Variants in PTAFR observed in about 807,000 individuals in gnomAD.
PTAFR encodes the protein platelet activating factor receptor, also known as platelet-activating factor receptor.
A neutral mutation model predicts 14.7 loss-of-function variants in PTAFR; 8 were observed. The ratio of observed to expected loss-of-function variants is 0.54; its 90% CI spans 0.32 to 0.98. PTAFR has a LOEUF of 0.98. Ranked by LOEUF, PTAFR falls within the 50% of genes least tolerant of loss-of-function variation. The pLI is 0.04. For missense variants in PTAFR, 337 were observed against 451.2 expected (o/e 0.75, Z 2.29); for synonymous variants, 156 against 176.5 (o/e 0.88, Z 0.92).
rs1646133535 is a variant in PTAFR at position 28,147,822 on chromosome 1, A to G, written c.*2171T>C. 1 of 152,086 alleles carries G rather than the reference A, an allele frequency of 6.6e-6. No homozygotes were observed. Among genetic ancestry groups the G allele is most frequent in the African/African-American group, 2.4e-5 (1 of 41,400 alleles). 9.4% of individuals were successfully genotyped at this position (152,086 alleles called of 1,614,324 possible). ...TATAACAATCCCATGAGGTAGCTTTAACCTCATAGGTAATGACCCTAAGAG... is the reference window on the plus strand; with the variant it reads ...TATAACAATCCCATGAGGTAGCTTTGACCTCATAGGTAATGACCCTAAGAG... On this transcript the variant is annotated 3_prime_UTR_variant, in exon 2 of 2. Coordinates refer to ENST00000373857, the MANE Select transcript of PTAFR (RefSeq NM_000952.5).
intron 1 of PTAFR, among the ~76,000 whole-genome samples, chr1:28,152,116 C>T (rs572171170): frequency 6.1e-4 from 93 of 152,098 alleles, no homozygotes; most frequent in African/African-American, 1.7e-3. Context: ...ATGCTGTTCT[C>T]GAACTCCTGA....
chr1:28,150,376 G>T lies in PTAFR; in HGVS notation c.646C>A (p.Gln216Lys), dbSNP rs1203781639. 2.5e-6 allele frequency: 4 copies of T among 1,613,892 alleles called. No individual in the cohort carries two copies. The highest frequency in any genetic ancestry group is 2.7e-5 in the African/African-American group (2 of 74,948). ...NLVIIRTLLM[Q>K]PVQQQRNAEV... Reference sequence around the variant, plus strand: ...GCGTTGCGCTGCTGCTGCACCGGCTGCATGAGCAAGGTACGGATGATGACC... The same window carrying T: ...GCGTTGCGCTGCTGCTGCACCGGCTTCATGAGCAAGGTACGGATGATGACC... The change falls in exon 2 of 2, where the codon CAG becomes AAG. Residue 216 changes from glutamine (Q) to lysine (K), a missense_variant. Gln to Lys is a moderately conservative substitution (Grantham distance 53, BLOSUM62 1). Coordinates refer to ENST00000373857, the MANE Select transcript of PTAFR (RefSeq NM_000952.5). The surrounding 1 kb of genome is among the most constrained non-coding windows in gnomAD (Gnocchi z 6.3).
intron 1 of PTAFR, among the ~76,000 whole-genome samples, chr1:28,161,617 G>C (rs1262464265): frequency 1.3e-5 from 2 of 152,098 alleles, no homozygotes; most frequent in Non-Finnish European, 2.9e-5. Context: ...AAAGTGCTAG[G>C]ATTACAGGCA....
intron 1 of PTAFR, among the ~76,000 whole-genome samples, chr1:28,165,427 GA>G (rs1170342262): frequency 6.8e-4 from 78 of 114,248 alleles, no homozygotes; most frequent in South Asian, 8.4e-4. Context: ...AAAAAAAAAG[GA>G]AAAAAAAAAA....
At chr1:28,165,434 A>G (rs1273397120) in intron 1 of PTAFR, among the ~76,000 whole-genome samples, 1 of 150,780 alleles carries the variant, frequency 6.6e-6, no homozygotes, top group Non-Finnish European at 1.5e-5. Flanking sequence ...AAGGAAAAAA[A>G]AAAAAGAAAC....
intron 1 of PTAFR, among the ~76,000 whole-genome samples, chr1:28,190,527 A>G (rs2149009831): frequency 6.6e-6 from 1 of 152,298 alleles, no homozygotes; most frequent in South Asian, 2.1e-4. Context: ...AGATTGGCAA[A>G]GAGAATCTGG....
Position 28,150,197 on chromosome 1 carries a change from A to C in PTAFR, c.825T>G (p.His275Gln), listed in dbSNP as rs774949843. Residue 275 changes from histidine to glutamine, a missense_variant, in exon 2 of 2, where the codon CAT becomes CAG. His to Gln is a conservative substitution (Grantham distance 24). Coordinates refer to ENST00000373857, the MANE Select transcript of PTAFR (RefSeq NM_000952.5). This position sits in a 1 kb window ranked among gnomAD's most constrained non-coding sequence, Gnocchi z 6.3. ...SKFHQAINDA[H>Q]QVTLCLLSTN... The stretch of plus-strand genomic sequence containing the variant: ...TGCTAAGGAGGCAGAGGGTGACCTG[A>C]TGTGCATCATTAATGGCCTGGTGGA... 6.2e-7 allele frequency: 1 copy of C among 1,614,110 alleles called. No individual in the cohort carries two copies. The highest frequency in any genetic ancestry group is 1.1e-5 in the South Asian group (1 of 91,072).
At chr1:28,182,343 A>AAG (rs992770740) in intron 1 of PTAFR, among the ~76,000 whole-genome samples, 1 of 151,270 alleles carries the variant, frequency 6.6e-6, no homozygotes, top group Non-Finnish European at 1.5e-5. Context: ...CAAAAAAAGA[A>AAG]AGAGAGAGAG....
At chr1:28,165,675 C>T (rs1247663593) in intron 1 of PTAFR, among the ~76,000 whole-genome samples, 4 of 151,374 alleles carry the variant, frequency 2.6e-5, no homozygotes, top group African/African-American at 9.7e-5. Flanking sequence ...CCCAGCTACT[C>T]GGGAGGCTGA....
upstream of PTAFR, among the ~76,000 whole-genome samples, chr1:28,179,652 C>T (rs1485128507): frequency 6.6e-6 from 1 of 151,798 alleles, no homozygotes; most frequent in Non-Finnish European, 1.5e-5. Context: ...CCTGTCTCTA[C>T]TAAAAATAAT....
At chr1:28,180,943 A>G (rs564163616), upstream of PTAFR, among the ~76,000 whole-genome samples, 13 of 152,094 alleles carry the variant, frequency 8.5e-5, no homozygotes, top group Non-Finnish European at 1.9e-4. Flanking sequence ...ATGTGGCAAA[A>G]TATTTATTTT....
intron 1 of PTAFR, among the ~76,000 whole-genome samples, chr1:28,158,777 T>C (rs1457233644): frequency 2.0e-5 from 3 of 151,754 alleles, no homozygotes; most frequent in Non-Finnish European, 2.9e-5. Flanking sequence ...CTGCAGACAA[T>C]GGGAGTTATT....
chr1:28,188,291 C>T (rs1375088660), intron 1 of PTAFR, among the ~76,000 whole-genome samples: 1 of 152,120 alleles, frequency 6.6e-6, no homozygotes, highest in African/African-American at 2.4e-5. Flanking sequence ...ACTAAAAATA[C>T]AAAAACTAGC....
In PTAFR at chr1:28,149,208, G is replaced by A. The variant is rs552935230; in HGVS notation, c.*785C>T. ...CACAAAGACCTTGTGCCGGAGGGTG[G>A]AGAGAGGATGGCAACATCTTAGCTC... On this transcript the variant is annotated 3_prime_UTR_variant, in exon 2 of 2. Transcript: ENST00000373857. 6.6e-6 allele frequency: 1 copy of A among 152,198 alleles called. No homozygotes were observed. Among genetic ancestry groups the A allele is most frequent in the Non-Finnish European group, 1.5e-5 (1 of 68,088 alleles). The allele number at this position is 152,198 out of a possible 1,614,324, so 9.4% of individuals were successfully genotyped here. A position where few individuals can be genotyped will look rare whatever the true frequency, so the allele number is the denominator to read the frequency against.
intron 1 of PTAFR, among the ~76,000 whole-genome samples, chr1:28,153,581 C>CAAAAAAAA (rs36049566): frequency 1.6e-5 from 1 of 62,658 alleles, no homozygotes. Context: ...CCTGTCTCTA[C>CAAAAAAAA]AAAAAAAAAA....
At chr1:28,151,266 G>A (rs1452978871) in intron 1 of PTAFR, among the ~76,000 whole-genome samples, 2 of 151,158 alleles carry the variant, frequency 1.3e-5, no homozygotes, top group African/African-American at 2.4e-5. Flanking sequence ...CGCAACCTCC[G>A]CCTCCCGGGT....
chr1:28,160,236 TAA>T (rs879385380), intron 1 of PTAFR, among the ~76,000 whole-genome samples: 36 of 126,246 alleles, frequency 2.9e-4, no homozygotes, highest in African/African-American at 9.7e-4. Context: ...AAAAAAGAAT[TAA>T]AAAAAAAAAA....
intron 1 of PTAFR, among the ~76,000 whole-genome samples, chr1:28,157,420 G>A (rs1646276721): frequency 6.6e-6 from 1 of 152,076 alleles, no homozygotes; most frequent in South Asian, 2.1e-4. Context: ...GCCCGCCTCG[G>A]CCTCCTAAAG....
At position 28,150,233 on chromosome 1, in the gene PTAFR, C is replaced by A; in HGVS notation, c.789G>T (p.Gln263His). The A allele has an allele frequency of 6.2e-7, 1 of 1,613,494 alleles. No individual in the cohort carries two copies. The change falls in exon 2 of 2, where the codon CAG (glutamine) becomes CAT (histidine). Residue 263 changes from glutamine (Q) to histidine (H), a missense_variant. By Grantham distance (24) the Gln-to-His change is conservative (BLOSUM62 0). Transcript: ENST00000373857. This position sits in a 1 kb window ranked among gnomAD's most constrained non-coding sequence, Gnocchi z 6.3. ...TAATGGCCTGGTGGAATTTGCTGTC[C>A]TGGAAGCCCAGCTCAGCAAGGGTCC... ...LPWTLAELGF[Q>H]DSKFHQAIND...
Sources: gnomAD v4.1 joint callset for allele counts (sites outside exome capture counted in the v4.1 genomes callset) on GRCh38, gnomAD v4.1.1 for gene constraint, Gnocchi (gnomAD v3.1) non-coding constraint, MANE v1.5 for transcripts, NCBI Gene and HGNC (gene_info 2026-07-23, HGNC 2026-07-21) for gene names.